Variants in CFHR2 observed in about 807,000 individuals in gnomAD.
The protein encoded by CFHR2 is complement factor H-related protein 2.
A neutral mutation model predicts 21.7 loss-of-function variants in CFHR2; 22 were observed. The ratio of observed to expected loss-of-function variants is 1.01; its 90% CI spans 0.72 to 1.45. The LOEUF is 1.45. CFHR2 is among the 40% of genes most tolerant of loss of function. The probability of loss-of-function intolerance (pLI) is 0.00; values close to 1 mark genes in which losing one functional copy is unlikely to be tolerated. For synonymous variants in CFHR2, 98 were observed against 97.4 expected (o/e 1.01, Z -0.04); for missense variants, 294 against 293.3 (o/e 1.00, Z -0.02).
In CFHR2 at chr1:196,958,977, T is replaced by C. The variant is rs940258044; in HGVS notation, c.710T>C (p.Val237Ala). Residue 237 changes from valine (V) to alanine (A), a missense_variant, in exon 5 of 5, where the codon GTT becomes GCT. Transcript: ENST00000367415. ...QKLYSRTGDI[V>A]EFVCKSGYHP... ...CTTTATTCAAGAACAGGTGACATAG[T>C]TGAATTTGTTTGTAAATCTGGATAT... The C allele has an allele frequency of 6.2e-7, 1 of 1,610,854 alleles. No individual in the cohort carries two copies. The highest frequency in any genetic ancestry group is 8.5e-7 in the Non-Finnish European group (1 of 1,177,506).
chr1:196,954,771 T>A (rs534064575), intron 3 of CFHR2, among the ~76,000 whole-genome samples: 1 of 152,132 alleles, frequency 6.6e-6, no homozygotes, highest in African/African-American at 2.4e-5. Flanking sequence ...TCTGAAAAAA[T>A]GACCTGAGCT....
chr1:196,956,952 G>C (rs1652907529), intron 3 of CFHR2, among the ~76,000 whole-genome samples: 1 of 152,166 alleles, frequency 6.6e-6, no homozygotes, highest in Admixed American at 6.5e-5. Flanking sequence ...TCAATCATGG[G>C]AAAAGGGAGC....
chr1:196,957,391 G>T (rs1383218796), intron 3 of CFHR2, among the ~76,000 whole-genome samples: 2 of 145,386 alleles, frequency 1.4e-5, no homozygotes, highest in Admixed American at 7.0e-5. Context: ...GTTGTACTTA[G>T]CATAAGGAAA....
At chr1:196,949,395 T>A (rs1453240485) in intron 1 of CFHR2, 60 bp from the exon 2 acceptor site, 1 of 1,468,050 alleles carries the variant, frequency 6.8e-7, no homozygotes, top group African/African-American at 1.4e-5. Context: ...TAAAATATAG[T>A]CTAGTGATTT....
At position 196,950,859 on chromosome 1, in the gene CFHR2, T is replaced by C. The variant is rs759340861; in HGVS notation, c.261T>C (p.Cys87=). Residue 87 remains cysteine, a synonymous_variant, in exon 3 of 5, where the codon TGT becomes TGC. Transcript: ENST00000367415. ...WSPTPKCLRL[C]FFPFVENGHS... ...TCTGTTTTTGGTCTTTAGGACTGTG[T>C]TTCTTTCCTTTTGTGGAAAATGGTC... is the stretch of plus-strand genomic sequence containing the variant. 46 of 1,613,246 alleles carry C rather than the reference T, an allele frequency of 2.9e-5. No individual in the cohort carries two copies. Among genetic ancestry groups the C allele is most frequent in the Non-Finnish European group, 2.2e-5 (26 of 1,179,842 alleles).
At chr1:196,944,839 C>T (rs1240576957) in intron 1 of CFHR2, among the ~76,000 whole-genome samples, 1 of 150,816 alleles carries the variant, frequency 6.6e-6, no homozygotes, top group Non-Finnish European at 1.5e-5. Context: ...TAAATATTTG[C>T]CCTTAGAAAT....
intron 2 of CFHR2, among the ~76,000 whole-genome samples, chr1:196,950,202 T>G (rs1397532320): frequency 6.6e-6 from 1 of 152,140 alleles, no homozygotes; most frequent in Non-Finnish European, 1.5e-5. Context: ...GCAATGATCT[T>G]TCTCCTAAGA....
rs1659704078 is a variant in CFHR2 at position 196,950,948 on chromosome 1, G to T, written c.350G>T (p.Gly117Val). The T allele has an allele frequency of 1.9e-6, 3 of 1,614,062 alleles. No homozygotes were observed. The highest frequency in any genetic ancestry group is 2.5e-6 in the Non-Finnish European group (3 of 1,179,998). ...ACTGTACAAATTATTTGCAACACAG[G>T]ATACAGACTTCAAAACAATGAGAAC... Reference protein sequence around the residue: ...GDTVQIICNTGYRLQNNENNI... With the variant: ...GDTVQIICNTVYRLQNNENNI... The change falls in exon 3 of 5, where the codon GGA becomes GTA. Residue 117 changes from glycine (G) to valine (V), a missense_variant. Transcript: ENST00000367415.
chr1:196,957,963 A>T lies in CFHR2; in HGVS notation c.503A>T (p.Tyr168Phe). ...ATTACTTCATTCCTGTTGTCAGTAT[A>T]TGCTCCAGGTTCATCAGTTGAGTAC... ...GDITSFLLSVYAPGSSVEYQC... is the reference protein window; with the variant it reads ...GDITSFLLSVFAPGSSVEYQC... Residue 168 changes from tyrosine (Y) to phenylalanine (F), a missense_variant, in exon 4 of 5, where the codon TAT becomes TTT. Coordinates refer to ENST00000367415, the MANE Select transcript of CFHR2 (RefSeq NM_005666.4). 1 of 1,613,736 alleles carries T rather than the reference A, an allele frequency of 6.2e-7. No homozygotes were observed. The highest frequency in any genetic ancestry group is 8.5e-7 in the Non-Finnish European group (1 of 1,179,730).
rs752501844 is a variant in CFHR2 at position 196,958,921 on chromosome 1, C to T, written c.654C>T (p.Asn218=). ...CACAAGAAATTATGGAAAAATATAA[C>T]ATAAAATTAAAGTGGACAAACCAAC... ...VISQEIMEKY[N]IKLKWTNQQK... is the part of the protein sequence containing the mutation. Residue 218 remains asparagine, a synonymous_variant, in exon 5 of 5, where the codon AAC becomes AAT. Transcript: ENST00000367415. 3.4e-5 allele frequency: 55 copies of T among 1,596,932 alleles called. No homozygotes were observed. In the South Asian group the frequency reaches 5.7e-4, roughly 16 times the overall value.
intron 2 of CFHR2, 81 bp downstream of exon 2, chr1:196,949,730 A>C (rs571244039): frequency 6.4e-7 from 1 of 1,556,984 alleles, no homozygotes; most frequent in Admixed American, 1.7e-5. Flanking sequence ...TAAACACTTG[A>C]TAATCACAGG....
chr1:196,954,105 CTT>C (rs1419657626), intron 3 of CFHR2, among the ~76,000 whole-genome samples: 2 of 152,098 alleles, frequency 1.3e-5, no homozygotes, highest in Non-Finnish European at 2.9e-5. Flanking sequence ...TTTAAAAAGT[CTT>C]TGATATTTAG....
At chr1:196,951,051 A>G (rs970548286) in intron 3 of CFHR2, 23 bp downstream of exon 3, 3 of 1,612,564 alleles carry the variant, frequency 1.9e-6, no homozygotes, top group Non-Finnish European at 2.5e-6. Context: ...TTGTTCTCTC[A>G]GATGCTGTTA....
Position 196,959,029 on chromosome 1 carries a change from A to T in CFHR2, c.762A>T (p.Arg254=). Residue 254 remains arginine, a synonymous_variant, in exon 5 of 5, where the codon CGA becomes CGT. Transcript: ENST00000367415. Reference sequence around the variant, plus strand: ...ATCCAACAAAATCTCATTCATTTCGAGCAATGTGTCAGAATGGGAAACTGG... The same window carrying T: ...ATCCAACAAAATCTCATTCATTTCGTGCAATGTGTCAGAATGGGAAACTGG... ...GYHPTKSHSF[R]AMCQNGKLVY... 6.2e-7 allele frequency: 1 copy of T among 1,612,542 alleles called. No homozygotes were observed. The highest frequency in any genetic ancestry group is 8.5e-7 in the Non-Finnish European group (1 of 1,179,092).
chr1:196,957,144 G>T (rs1038109864), intron 3 of CFHR2, among the ~76,000 whole-genome samples: 1 of 152,088 alleles, frequency 6.6e-6, no homozygotes, highest in Non-Finnish European at 1.5e-5. Context: ...GGTATAGAAA[G>T]TAGGCTCTTC....
chr1:196,944,622 A>G (rs1157776432), intron 1 of CFHR2, among the ~76,000 whole-genome samples: 1 of 151,962 alleles, frequency 6.6e-6, no homozygotes, highest in East Asian at 1.9e-4. Context: ...AATTGCAAAC[A>G]AAATCTCTAC....
At chr1:196,957,416 G>T (rs1480774735) in intron 3 of CFHR2, among the ~76,000 whole-genome samples, 6 of 146,012 alleles carry the variant, frequency 4.1e-5, no homozygotes, top group African/African-American at 1.5e-4. Flanking sequence ...AGAAAAGTTT[G>T]TTCCTCATTT....
chr1:196,948,708 T>C (rs983316866), intron 1 of CFHR2, among the ~76,000 whole-genome samples: 4 of 152,190 alleles, frequency 2.6e-5, no homozygotes, highest in African/African-American at 9.6e-5. Flanking sequence ...ATTGTTTTTT[T>C]CCGAATATTT....
chr1:196,959,106 A>C lies in CFHR2; in HGVS notation c.*26A>C. On this transcript the variant is annotated 3_prime_UTR_variant, in exon 5 of 5. Coordinates refer to ENST00000367415, the MANE Select transcript of CFHR2 (RefSeq NM_005666.4). The stretch of plus-strand genomic sequence containing the variant: ...AATCAATGGCATTACTATTAGTAAA[A>C]TGCACACCTTTTTCTGAATTTACTA... 7.0e-7 allele frequency: 1 copy of C among 1,430,260 alleles called. No homozygotes were observed. The highest frequency in any genetic ancestry group is 1.2e-5 in the South Asian group (1 of 80,758). The allele number at this position is 1,430,260 out of a possible 1,614,324, so 88.6% of individuals were successfully genotyped here. A position where few individuals can be genotyped will look rare whatever the true frequency, so the allele number is the denominator to read the frequency against.
Sources: allele counts gnomAD v4.1 joint callset (sites outside exome capture counted in the v4.1 genomes callset), GRCh38; gene constraint gnomAD v4.1.1; transcripts MANE v1.5; gene names NCBI Gene and HGNC (gene_info 2026-07-23, HGNC 2026-07-21).